Variants in RABGAP1L observed in about 807,000 individuals in gnomAD.
RABGAP1L encodes RAB GTPase activating protein 1 like.
In RABGAP1L, 63 loss-of-function variants were observed where a neutral mutation model predicts 137.7. The observed-to-expected ratio is 0.46, with a 90% CI of 0.37 to 0.56. RABGAP1L has a LOEUF of 0.56. Among genes scored for constraint, RABGAP1L ranks in the 20% least tolerant of loss-of-function variants. The probability of loss-of-function intolerance (pLI) is 0.00; values close to 1 mark genes in which losing one functional copy is unlikely to be tolerated. For synonymous variants in RABGAP1L, 431 were observed against 433.7 expected (o/e 0.99, Z 0.08); for missense variants, 1,095 against 1,244.0 (o/e 0.88, Z 1.80).
At chr1:174,281,495 A>C (rs1329094622) in intron 10 of RABGAP1L, among the ~76,000 whole-genome samples, 1 of 152,226 alleles carries the variant, frequency 6.6e-6, no homozygotes, top group Non-Finnish European at 1.5e-5. Context: ...TTAGCTGGAC[A>C]GAAAAGTTCT....
chr1:174,624,873 C>CTTT (rs562834068), intron 13 of RABGAP1L, among the ~76,000 whole-genome samples: 4 of 131,166 alleles, frequency 3.0e-5, no homozygotes, highest in Non-Finnish European at 3.2e-5. Context: ...TTTATCTTGC[C>CTTT]TTTTTTTTTT....
chr1:174,804,619 G>A (rs544345945), intron 18 of RABGAP1L, among the ~76,000 whole-genome samples: 45 of 152,004 alleles, frequency 3.0e-4, no homozygotes, highest in African/African-American at 1.1e-3. Flanking sequence ...GGCCTCCCTC[G>A]GGATTTTTAA....
At chr1:174,875,291 C>A (rs1185464216) in intron 19 of RABGAP1L, among the ~76,000 whole-genome samples, 2 of 152,138 alleles carry the variant, frequency 1.3e-5, no homozygotes, top group Non-Finnish European at 2.9e-5. Context: ...TGTACAGCAC[C>A]TCTAGGTGCT....
chr1:174,182,275 G>A (rs1309378277), intron 1 of RABGAP1L, among the ~76,000 whole-genome samples: 1 of 152,180 alleles, frequency 6.6e-6, no homozygotes, highest in African/African-American at 2.4e-5. Context: ...ATGAAGCATA[G>A]GCTTTCTAAG....
At chr1:174,366,100 T>G (rs1185152949) in intron 11 of RABGAP1L, among the ~76,000 whole-genome samples, 1 of 152,214 alleles carries the variant, frequency 6.6e-6, no homozygotes, top group Non-Finnish European at 1.5e-5. Context: ...GCTTATAAAA[T>G]TTAACTTCTC....
chr1:174,171,693 C>CT (rs1571355310), intron 1 of RABGAP1L, among the ~76,000 whole-genome samples: 1 of 128,636 alleles, frequency 7.8e-6, no homozygotes, highest in Admixed American at 8.0e-5. Flanking sequence ...GCGTATTCAG[C>CT]TTTAAAAAAA....
At chr1:174,213,201 G>C (rs1477517524) in intron 1 of RABGAP1L, among the ~76,000 whole-genome samples, 1 of 152,156 alleles carries the variant, frequency 6.6e-6, no homozygotes, top group African/African-American at 2.4e-5. Flanking sequence ...GAGGTGGGTG[G>C]ATCACCTGAG....
At chr1:174,547,077 A>G (rs1666080039) in intron 13 of RABGAP1L, among the ~76,000 whole-genome samples, 1 of 151,602 alleles carries the variant, frequency 6.6e-6, no homozygotes, top group Non-Finnish European at 1.5e-5. Context: ...TTAAATTAAC[A>G]CAAGGCCAAT....
intron 13 of RABGAP1L, among the ~76,000 whole-genome samples, chr1:174,590,610 T>C (rs1161652596): frequency 1.6e-5 from 1 of 62,824 alleles, no homozygotes. Context: ...GTTTGGTTTT[T>C]TGTTCTTGCG....
rs1295681857 is a variant in RABGAP1L, at chr1:174,448,073, C to T, written c.1710+53928C>T. On this transcript the variant is annotated intron_variant, in intron 13 of 25. Coordinates refer to ENST00000681986, the MANE Select transcript of RABGAP1L (RefSeq NM_001366446.1). The surrounding 1 kb of genome is among the most constrained non-coding windows in gnomAD (Gnocchi z 4.2). ...AGATGCTGGGCAGGGCATCTGCTTGCTGTAGCCAAGTCTGCAGGTGTCTTT... is the reference window on the plus strand; with the variant it reads ...AGATGCTGGGCAGGGCATCTGCTTGTTGTAGCCAAGTCTGCAGGTGTCTTT... The T allele has an allele frequency of 6.4e-7, 1 of 1,568,472 alleles. No homozygotes were observed. The highest frequency in any genetic ancestry group is 8.7e-7 in the Non-Finnish European group (1 of 1,153,542).
At chr1:174,693,556 GCT>G (rs1679025312) in intron 15 of RABGAP1L, among the ~76,000 whole-genome samples, 1 of 152,096 alleles carries the variant, frequency 6.6e-6, no homozygotes, top group Non-Finnish European at 1.5e-5. Context: ...GTATGCTGCA[GCT>G]CTACTGTTAT....
intron 14 of RABGAP1L, among the ~76,000 whole-genome samples, chr1:174,678,834 A>G (rs552207732): frequency 4.3e-4 from 66 of 152,318 alleles, no homozygotes; most frequent in Admixed American, 1.0e-3. Flanking sequence ...CTCTAGCCCA[A>G]TTGGGAGCGG....
chr1:174,486,282 A>C (rs1288084013), intron 13 of RABGAP1L, among the ~76,000 whole-genome samples: 2 of 149,334 alleles, frequency 1.3e-5, no homozygotes, highest in African/African-American at 4.9e-5. Flanking sequence ...TTTTAAAAAA[A>C]CAATTTTTTG....
intron 13 of RABGAP1L, among the ~76,000 whole-genome samples, chr1:174,480,994 A>G (rs1410962012): frequency 2.6e-5 from 4 of 152,018 alleles, no homozygotes; most frequent in Non-Finnish European, 5.9e-5. Flanking sequence ...GACCTAAACA[A>G]TTTGCACTGC....
intron 12 of RABGAP1L, among the ~76,000 whole-genome samples, chr1:174,388,505 G>A (rs1442976818): frequency 1.3e-5 from 2 of 151,690 alleles, no homozygotes; most frequent in South Asian, 2.1e-4. Context: ...GAGAGAGAGA[G>A]AGAAAACATT....
chr1:174,659,236 C>CA (rs11333708), intron 14 of RABGAP1L, among the ~76,000 whole-genome samples: 1,466 of 124,552 alleles, frequency 0.012, 5 homozygotes, highest in East Asian at 0.019. Flanking sequence ...TTTACTTTAC[C>CA]AAAAAAAAAA....
chr1:174,656,250 A>C (rs947147207), intron 14 of RABGAP1L, among the ~76,000 whole-genome samples: 2 of 152,212 alleles, frequency 1.3e-5, no homozygotes, highest in African/African-American at 2.4e-5. Flanking sequence ...TGAGGTCAGG[A>C]GTTCGAGACC....
intron 13 of RABGAP1L, among the ~76,000 whole-genome samples, chr1:174,620,942 A>G (rs964683828): frequency 7.2e-5 from 11 of 152,294 alleles, no homozygotes; most frequent in Non-Finnish European, 8.8e-5. Flanking sequence ...ATAAAAAATG[A>G]TAAAGGGGAT....
chr1:174,609,235 C>T (rs1171972419), intron 13 of RABGAP1L, among the ~76,000 whole-genome samples: 1 of 152,090 alleles, frequency 6.6e-6, no homozygotes, highest in African/African-American at 2.4e-5. Flanking sequence ...CTTCTCTTAG[C>T]CCTAGAGCCA....
Sources: allele counts gnomAD v4.1 joint callset (sites outside exome capture counted in the v4.1 genomes callset), GRCh38; gene constraint gnomAD v4.1.1; non-coding constraint Gnocchi (gnomAD v3.1); transcripts MANE v1.5; gene names NCBI Gene and HGNC (gene_info 2026-07-23, HGNC 2026-07-21).